BEST3: variants seen among roughly 807,000 people sequenced by gnomAD.
The protein encoded by BEST3 is bestrophin-3.
Under a neutral mutation model 47.1 loss-of-function variants are expected in BEST3, and 50 were observed. The observed-to-expected ratio is 1.06, with a 90% CI of 0.85 to 1.34. BEST3 has a LOEUF of 1.34. Among genes scored for constraint, BEST3 ranks in the 40% most tolerant of loss-of-function variants. The pLI is 0.00. For missense variants in BEST3, 765 were observed against 817.0 expected, an observed-to-expected ratio of 0.94 and a Z score of 0.78; for synonymous variants, 282 against 298.8, an observed-to-expected ratio of 0.94 and a Z score of 0.58.
chr12:69,646,463 A>G (rs528081872), intron 9 of BEST3, among the ~76,000 whole-genome samples: 5 of 145,820 alleles, frequency 3.4e-5, no homozygotes, highest in African/African-American at 1.3e-4. Context: ...TTTTTTTGAT[A>G]TGGTCAGACA....
At chr12:69,646,735 G>A (rs1328103998) in intron 9 of BEST3, among the ~76,000 whole-genome samples, 1 of 152,192 alleles carries the variant, frequency 6.6e-6, no homozygotes, top group Non-Finnish European at 1.5e-5. Flanking sequence ...ACAGAAATCT[G>A]CCTGTCTTCC....
intron 4 of BEST3, among the ~76,000 whole-genome samples, chr12:69,680,203 A>T (rs1885159388): frequency 6.6e-6 from 1 of 151,888 alleles, no homozygotes; most frequent in Non-Finnish European, 1.5e-5. Context: ...ACTGAATAAG[A>T]GGAATAAGGT....
At chr12:69,662,246 A>C (rs1051828691) in intron 9 of BEST3, among the ~76,000 whole-genome samples, 1 of 152,152 alleles carries the variant, frequency 6.6e-6, no homozygotes, top group African/African-American at 2.4e-5. Context: ...CCCAGAATAC[A>C]CTTTTGTTGA....
rs1019799138 is a variant in BEST3 at position 69,663,129 on chromosome 12, G to A, written c.1101-7316C>T. Reference sequence around the variant, plus strand: ...TTAAATTTCTGTGTTTCATTCCTCAGAGTCTTAAACATTTGTGTTAATGGG... The same window carrying A: ...TTAAATTTCTGTGTTTCATTCCTCAAAGTCTTAAACATTTGTGTTAATGGG... On this transcript the variant is annotated intron_variant, in intron 9 of 9. Coordinates refer to ENST00000330891, the MANE Select transcript of BEST3 (RefSeq NM_032735.3). 5.3e-5 allele frequency among the ~76,000 whole-genome samples: 8 copies of A among 152,206 alleles called. No homozygotes were observed. In the East Asian group the frequency reaches 1.5e-3, roughly 29 times the overall value.
At chr12:69,644,920 C>T (rs1307506134) in intron 9 of BEST3, among the ~76,000 whole-genome samples, 2 of 152,058 alleles carry the variant, frequency 1.3e-5, no homozygotes, top group East Asian at 3.8e-4. Context: ...ATTCAATTTA[C>T]ATTTTTATTT....
intron 9 of BEST3, among the ~76,000 whole-genome samples, chr12:69,647,649 TAAAGGAAATAGGACAA>T (rs1159435021): frequency 6.6e-6 from 1 of 152,018 alleles, no homozygotes; most frequent in Non-Finnish European, 1.5e-5. Flanking sequence ...CTTAACACTG[TAAAGGAAATAGGACAA>T]AAAATGTAGG....
chr12:69,656,750 G>A (rs942467302), intron 9 of BEST3, among the ~76,000 whole-genome samples: 5 of 152,080 alleles, frequency 3.3e-5, no homozygotes, highest in African/African-American at 7.2e-5. Context: ...GAGCAAATTC[G>A]GAAGTCTGGC....
At chr12:69,686,779 C>CAAAAAAAAAAAAAACA (rs71094728) in intron 4 of BEST3, among the ~76,000 whole-genome samples, 5,625 of 99,132 alleles carry the variant, frequency 0.057, 287 homozygotes, top group African/African-American at 0.18. Context: ...CTCAAAAAAA[C>CAAAAAAAAAAAAAACA]AAAAAAAAAA....
At chr12:69,657,293 A>G (rs1883562885) in intron 9 of BEST3, among the ~76,000 whole-genome samples, 1 of 151,908 alleles carries the variant, frequency 6.6e-6, no homozygotes, top group Non-Finnish European at 1.5e-5. Context: ...AGGGAGTTTT[A>G]CCATGTTGGC....
At chr12:69,672,784 G>C in intron 8 of BEST3, 101 bp downstream of exon 8, 1 of 815,772 alleles carries the variant, frequency 1.2e-6, no homozygotes, top group Non-Finnish European at 1.9e-6. Context: ...TGTGGCTAAA[G>C]CTCTGAAGCC....
chr12:69,680,516 G>A (rs1267511213), intron 4 of BEST3, among the ~76,000 whole-genome samples: 1 of 151,622 alleles, frequency 6.6e-6, no homozygotes, highest in African/African-American at 2.4e-5. Flanking sequence ...CACCATGTTA[G>A]CCAGGATGTC....
chr12:69,699,017 A>G (rs1476050167), intron 1 of BEST3, among the ~76,000 whole-genome samples, 188 bp downstream of exon 1: 2 of 152,254 alleles, frequency 1.3e-5, no homozygotes, highest in Non-Finnish European at 2.9e-5. Flanking sequence ...GGAGAGGAGC[A>G]TAATAAATTA....
At chr12:69,671,685 A>G in intron 8 of BEST3, 106 bp from the exon 9 acceptor site, 1 of 952,612 alleles carries the variant, frequency 1.0e-6, no homozygotes, top group Non-Finnish European at 1.6e-6. Context: ...CACAGTCTAA[A>G]TGAGTGAATA....
intron 9 of BEST3, among the ~76,000 whole-genome samples, chr12:69,669,347 A>C (rs1884421756): frequency 6.6e-6 from 1 of 152,212 alleles, no homozygotes; most frequent in South Asian, 2.1e-4. Context: ...AATTGGTTCT[A>C]GCAGATCGAG....
At chr12:69,643,799 G>T in intron 9 of BEST3, 1 of 709,378 alleles carries the variant, frequency 1.4e-6, no homozygotes, top group South Asian at 1.5e-5. Flanking sequence ...TGGGGAGAAG[G>T]GGAGAAGGGA....
intron 4 of BEST3, chr12:69,683,612 C>G (rs1885382564): frequency 6.6e-6 from 1 of 152,250 alleles, no homozygotes. Context: ...GCCCCCTCCC[C>G]ACTTTGAGTC....
intron 9 of BEST3, among the ~76,000 whole-genome samples, chr12:69,644,072 G>T (rs989279290): frequency 6.6e-6 from 1 of 152,202 alleles, no homozygotes; most frequent in Admixed American, 6.5e-5. Context: ...AGTTTAAGTT[G>T]TTGCCAGTGA....
At chr12:69,687,769 CAG>C (rs1885714862) in intron 4 of BEST3, among the ~76,000 whole-genome samples, 1 of 151,636 alleles carries the variant, frequency 6.6e-6, no homozygotes, top group Non-Finnish European at 1.5e-5. Context: ...TAAATACAGA[CAG>C]AAACTATTTA....
At position 69,697,759 on chromosome 12, in the gene BEST3, A is replaced by G. The variant is rs761141824; in HGVS notation, c.40T>C (p.Phe14Leu). The G allele has an allele frequency of 6.2e-7, 1 of 1,613,210 alleles. No individual in the cohort carries two copies. Among genetic ancestry groups the G allele is most frequent in the South Asian group, 1.1e-5 (1 of 90,876 alleles). Residue 14 changes from phenylalanine to leucine, a missense_variant, in exon 2 of 10, where the codon TTT (phenylalanine) becomes CTT (leucine). Coordinates refer to ENST00000330891, the MANE Select transcript of BEST3 (RefSeq NM_032735.3). ...TYSSKVANATFFGFHRLLLKW... is the reference protein window; with the variant it reads ...TYSSKVANATLFGFHRLLLKW... Reference sequence around the variant, plus strand: ...AGGAGTAACCTATGAAATCCAAAAAAAGTTGCATTTGCTACTTTACTGGAG... The same window carrying G: ...AGGAGTAACCTATGAAATCCAAAAAGAGTTGCATTTGCTACTTTACTGGAG...
Sources: gnomAD v4.1 joint callset for allele counts (sites outside exome capture counted in the v4.1 genomes callset) on GRCh38, gnomAD v4.1.1 for gene constraint, MANE v1.5 for transcripts, NCBI Gene and HGNC (gene_info 2026-07-23, HGNC 2026-07-21) for gene names.